Variants in SORL1 observed in about 807,000 individuals in gnomAD.
SORL1 encodes sortilin-related receptor.
SORL1 carries 127 observed loss-of-function variants against 273.7 expected under a neutral mutation model. The observed-to-expected ratio is 0.46, with a 90% CI of 0.40 to 0.54. The LOEUF (loss-of-function observed/expected upper bound fraction) is 0.54, where lower values mean the gene tolerates loss of function less well. SORL1 is among the 20% of genes least tolerant of loss of function. The pLI is 0.00. For synonymous variants in SORL1, 1,031 were observed against 1,067.4 expected (o/e 0.97, Z 0.66); for missense variants, 2,494 against 2,846.1 (o/e 0.88, Z 2.81).
At chr11:121,571,137 C>T (rs773503095) in intron 23 of SORL1, among the ~76,000 whole-genome samples, 2 of 152,194 alleles carry the variant, frequency 1.3e-5, no homozygotes, top group South Asian at 2.1e-4. Context: ...AGTAGAGTGA[C>T]GGGCACTGCG....
chr11:121,573,144 C>T (rs926280155), intron 23 of SORL1, among the ~76,000 whole-genome samples: 2 of 152,128 alleles, frequency 1.3e-5, no homozygotes, highest in Non-Finnish European at 2.9e-5. Flanking sequence ...CATTCTAATG[C>T]CAGAAGGACA....
intron 6 of SORL1, among the ~76,000 whole-genome samples, chr11:121,512,369 T>A (rs917216798): frequency 3.1e-4 from 47 of 152,214 alleles, no homozygotes; most frequent in African/African-American, 1.1e-3. Context: ...TTGCTGTGAC[T>A]TAAAAATCTC....
At chr11:121,619,039 C>A in intron 42 of SORL1, 146 bp downstream of exon 42, 1 of 817,960 alleles carries the variant, frequency 1.2e-6, no homozygotes, top group Non-Finnish European at 2.0e-6. Flanking sequence ...TCATAAGCAT[C>A]ATCAGGTTCT....
intron 27 of SORL1, among the ~76,000 whole-genome samples, 177 bp from the exon 28 acceptor site, chr11:121,587,843 G>A (rs190888285): frequency 6.6e-6 from 1 of 152,282 alleles, no homozygotes; most frequent in Non-Finnish European, 1.5e-5. Flanking sequence ...GTTTAATGAT[G>A]CACTTTATGT....
intron 24 of SORL1, among the ~76,000 whole-genome samples, chr11:121,574,864 T>TA (rs1862904177): frequency 6.6e-6 from 1 of 152,156 alleles, no homozygotes. Flanking sequence ...AGGGGGTTAT[T>TA]AACAGCTCTA....
intron 35 of SORL1, among the ~76,000 whole-genome samples, 173 bp downstream of exon 35, chr11:121,605,744 C>A (rs1460523501): frequency 6.6e-6 from 1 of 152,212 alleles, no homozygotes; most frequent in Non-Finnish European, 1.5e-5. Flanking sequence ...GTTCTTCTTA[C>A]TGCATCAGAG....
intron 18 of SORL1, chr11:121,556,963 C>T (rs1014341456): frequency 4.2e-6 from 1 of 237,046 alleles, no homozygotes; most frequent in Middle Eastern, 1.5e-3. Context: ...TGCCTTGGAA[C>T]GTGGAGTGAC....
intron 44 of SORL1, among the ~76,000 whole-genome samples, chr11:121,621,835 T>C (rs1863727830): frequency 6.6e-6 from 1 of 152,232 alleles, no homozygotes; most frequent in Non-Finnish European, 1.5e-5. Context: ...CAGTGTCCTG[T>C]CTTCAGATGG....
At chr11:121,501,944 A>T (rs945663335) in intron 6 of SORL1, among the ~76,000 whole-genome samples, 1 of 152,124 alleles carries the variant, frequency 6.6e-6, no homozygotes, top group Non-Finnish European at 1.5e-5. Flanking sequence ...TAGTATTGTA[A>T]TGAATATAAC....
At chr11:121,494,809 A>G (rs549261804) in intron 5 of SORL1, among the ~76,000 whole-genome samples, 3 of 152,318 alleles carry the variant, frequency 2.0e-5, no homozygotes, top group East Asian at 1.9e-4. Context: ...AAATAGCTCA[A>G]TAAAGGTTCC....
chr11:121,587,651 TAG>T (rs1306449165), intron 27 of SORL1, among the ~76,000 whole-genome samples: 1 of 152,208 alleles, frequency 6.6e-6, no homozygotes, highest in Non-Finnish European at 1.5e-5. Context: ...ACCCCCGTAT[TAG>T]AGAGTCAGTA....
rs141613212 is a variant in SORL1 at position 121,494,297 on chromosome 11, C to T, written c.759-2572C>T. 2.0e-3 allele frequency among the ~76,000 whole-genome samples: 310 copies of T among 152,202 alleles called. 5 individuals are homozygous for T. The highest frequency in any genetic ancestry group is 7.1e-3 in the African/African-American group (293 of 41,520). ...TTTAGGCTATTTGTGGGATTTCTCC[C>T]CCTAGGTTTCCCCATAATAAGTGAA... is the stretch of plus-strand genomic sequence containing the variant. On this transcript the variant is annotated intron_variant, in intron 5 of 47. Transcript: ENST00000260197.
At chr11:121,577,191 A>G in intron 24 of SORL1, 90 bp from the exon 25 acceptor site, 1 of 1,477,850 alleles carries the variant, frequency 6.8e-7, no homozygotes, top group Non-Finnish European at 9.2e-7. Flanking sequence ...TCACGGGTCC[A>G]TCTCCATCCT....
At chr11:121,625,368 C>T (rs1242323550) in intron 46 of SORL1, 91 bp downstream of exon 46, 6 of 1,040,540 alleles carry the variant, frequency 5.8e-6, no homozygotes, top group African/African-American at 1.6e-5. Context: ...CTTTCTAAAA[C>T]ACATGGAAGA....
chr11:121,496,857 T>A lies in SORL1; in HGVS notation c.759-12T>A, dbSNP rs1861636900. On this transcript the variant is annotated splice_polypyrimidine_tract_variant and intron_variant, in intron 5 of 47. Transcript: ENST00000260197. ...TGCAAATGATAACAACCTTTTTTTT[T>A]TTTTCTGCCAGGGGAATTGATCCCT... 1 of 1,574,850 alleles carries A rather than the reference T, an allele frequency of 6.3e-7. No homozygotes were observed. Among genetic ancestry groups the A allele is most frequent in the Admixed American group, 2.0e-5 (1 of 49,528 alleles).
intron 32 of SORL1, among the ~76,000 whole-genome samples, chr11:121,598,691 T>A (rs1017336868): frequency 1.5e-4 from 23 of 152,244 alleles, no homozygotes; most frequent in Admixed American, 1.4e-3. Context: ...TGGAGACGAA[T>A]TTCATTCTAG....
At chr11:121,579,899 A>G (rs1163410669) in intron 25 of SORL1, among the ~76,000 whole-genome samples, 1 of 152,196 alleles carries the variant, frequency 6.6e-6, no homozygotes, top group African/African-American at 2.4e-5. Context: ...TATTATAGAC[A>G]TATATTTAAT....
intron 12 of SORL1, among the ~76,000 whole-genome samples, chr11:121,541,754 T>C (rs1276302850): frequency 6.6e-6 from 1 of 152,200 alleles, no homozygotes; most frequent in African/African-American, 2.4e-5. Flanking sequence ...CACTGGGTGA[T>C]AAAACAAGTG....
intron 37 of SORL1, among the ~76,000 whole-genome samples, chr11:121,607,595 T>C (rs1462010902): frequency 1.3e-5 from 2 of 152,254 alleles, no homozygotes; most frequent in Admixed American, 6.5e-5. Flanking sequence ...GTCAGCTCTT[T>C]CCTGCTTATC....
Sources: allele counts gnomAD v4.1 joint callset (sites outside exome capture counted in the v4.1 genomes callset), GRCh38; gene constraint gnomAD v4.1.1; transcripts MANE v1.5; gene names NCBI Gene and HGNC (gene_info 2026-07-23, HGNC 2026-07-21).